Variants in ABCA4 observed in about 807,000 individuals in gnomAD.
The protein encoded by ABCA4 is retinal-specific phospholipid-transporting ATPase ABCA4.
Under a neutral mutation model 263.7 loss-of-function variants are expected in ABCA4, and 196 were observed. The observed-to-expected ratio is 0.74, with a 90% CI of 0.66 to 0.84. The LOEUF (loss-of-function observed/expected upper bound fraction) is 0.84, where lower values mean the gene tolerates loss of function less well. Among genes scored for constraint, ABCA4 ranks in the 40% least tolerant of loss-of-function variants. The pLI is 0.00. For synonymous variants in ABCA4, 1,133 were observed against 1,094.2 expected (o/e 1.04, Z -0.70); for missense variants, 2,792 against 2,855.1 (o/e 0.98, Z 0.50).
Position 94,078,629 on chromosome 1 carries a change from C to A in ABCA4, c.1317G>T (p.Trp439Cys). 1 of 1,422,552 alleles carries A rather than the reference C, an allele frequency of 7.0e-7. No homozygotes were observed. The allele number at this position is 1,422,552 out of a possible 1,614,324, so 88.1% of individuals were successfully genotyped here. A position where few individuals can be genotyped will look rare whatever the true frequency, so the allele number is the denominator to read the frequency against. Residue 439 changes from tryptophan (W) to cysteine (C), a missense_variant, in exon 10 of 50, where the codon TGG (tryptophan) becomes TGT (cysteine). Transcript: ENST00000370225. ...TCTGTGTGCTGTTGTCAAAGAAGTA[C>A]CAGATCTGGGGCCCTACTTCTTCCC... ...KAWEEVGPQI[W>C]YFFDNSTQMN...
chr1:94,108,745 A>C, intron 3 of ABCA4, 29 bp from the exon 4 acceptor site: 1 of 1,612,670 alleles, frequency 6.2e-7, no homozygotes, highest in Non-Finnish European at 8.5e-7. Flanking sequence ...ATTAATAAGG[A>C]AATAGCTGTT....
intron 2 of ABCA4, 116 bp from the exon 3 acceptor site, chr1:94,111,695 T>G: frequency 8.2e-7 from 1 of 1,226,804 alleles, no homozygotes; most frequent in Non-Finnish European, 1.2e-6. Context: ...TCCTCCTTCA[T>G]TCTCAGCATT....
At chr1:94,091,577 TCTCA>T (rs778982452) in intron 6 of ABCA4, among the ~76,000 whole-genome samples, 104 of 109,090 alleles carry the variant, frequency 9.5e-4, no homozygotes, top group African/African-American at 3.3e-3. Flanking sequence ...GCAAACATCA[TCTCA>T]CACACACACA....
At position 94,029,623 on chromosome 1, in the gene ABCA4, G is replaced by A. The variant is rs1660142896; in HGVS notation, c.4361C>T (p.Pro1454Leu). 6.2e-7 allele frequency: 1 copy of A among 1,613,418 alleles called. No individual in the cohort carries two copies. Among genetic ancestry groups the A allele is most frequent in the Non-Finnish European group, 8.5e-7 (1 of 1,179,804 alleles). Reference protein sequence around the residue: ...CLKEGWLPEYPCGNSTPWKTP... With the variant: ...CLKEGWLPEYLCGNSTPWKTP... ...CTTCCAGGGTGTTGAGTTGCCACAG[G>A]GGTACTCCCTCATGGAAGACAAGAA... The change falls in exon 30 of 50, where the codon CCC (proline) becomes CTC (leucine). Residue 1454 changes from proline to leucine, a missense_variant. Transcript: ENST00000370225.
intron 45 of ABCA4, chr1:94,001,477 G>C: frequency 1.9e-6 from 1 of 520,032 alleles, no homozygotes; most frequent in Non-Finnish European, 3.6e-6. Flanking sequence ...TCCTTGGGCT[G>C]CGTGGGCATG....
intron 44 of ABCA4, among the ~76,000 whole-genome samples, chr1:94,004,537 C>T (rs926128173): frequency 6.6e-6 from 1 of 152,190 alleles, no homozygotes; most frequent in African/African-American, 2.4e-5. Flanking sequence ...ACACTGTGTT[C>T]AGCAGTTGTT....
rs753654349 is a variant in ABCA4, at chr1:93,993,008, GT to G, written c.*228del. On this transcript the variant is annotated 3_prime_UTR_variant, in exon 50 of 50. Coordinates refer to ENST00000370225, the MANE Select transcript of ABCA4 (RefSeq NM_000350.3). ...GTTCTGGGGTCTGGAGAAGGATTTT[GT>G]ATTTGTTTGGTTTCACCATCAGGTG... is the stretch of plus-strand genomic sequence containing the variant. The G allele has an allele frequency of 3.4e-6, 2 of 593,914 alleles. No homozygotes were observed. The highest frequency in any genetic ancestry group is 2.9e-5 in the East Asian group (1 of 34,788). The allele number at this position is 593,914 out of a possible 1,614,324, so 36.8% of individuals were successfully genotyped here. A position where few individuals can be genotyped will look rare whatever the true frequency, so the allele number is the denominator to read the frequency against.
In ABCA4 at chr1:94,031,784, C is replaced by A; in HGVS notation, c.4122G>T (p.Leu1374=). 6.2e-7 allele frequency: 1 copy of A among 1,613,694 alleles called. No homozygotes were observed. Among genetic ancestry groups the A allele is most frequent in the African/African-American group, 1.3e-5 (1 of 75,020 alleles). ...CACCGACCGACAATAGTACCTGCGC[C>A]AGGAAGTCCTTGTGGCTGCGGATGG... is the stretch of plus-strand genomic sequence containing the variant. ...QHTIRSHKDF[L]AQIVLPATFV... The change falls in exon 27 of 50, where the codon CTG becomes CTT. Residue 1374 remains leucine, a synonymous_variant. Transcript: ENST00000370225.
At chr1:94,050,534 C>G (rs552406333) in intron 17 of ABCA4, among the ~76,000 whole-genome samples, 1 of 152,160 alleles carries the variant, frequency 6.6e-6, no homozygotes, top group Non-Finnish European at 1.5e-5. Context: ...ATTTGTGATT[C>G]ACTTTTGAAG....
chr1:94,008,718 C>G, intron 41 of ABCA4, 33 bp downstream of exon 41: 1 of 1,613,724 alleles, frequency 6.2e-7, no homozygotes, highest in South Asian at 1.1e-5. Context: ...GTGGATCTAA[C>G]CAGCACCTCC....
At chr1:94,083,100 A>C (rs1661743308) in intron 7 of ABCA4, among the ~76,000 whole-genome samples, 1 of 152,236 alleles carries the variant, frequency 6.6e-6, no homozygotes, top group African/African-American at 2.4e-5. Context: ...ATGCCACACC[A>C]GGCAAGTTGC....
At position 94,079,307 on chromosome 1, in the gene ABCA4, C is replaced by A. The variant is rs1328933970; in HGVS notation, c.1239+15G>T. The A allele has an allele frequency of 7.4e-6, 12 of 1,614,032 alleles. No homozygotes were observed. Among genetic ancestry groups the A allele is most frequent in the Non-Finnish European group, 1.0e-5 (12 of 1,180,036 alleles). On this transcript the variant is annotated intron_variant, in intron 9 of 49. Coordinates refer to ENST00000370225, the MANE Select transcript of ABCA4 (RefSeq NM_000350.3). ...AGGTCCAGGGTACACAAGGCAAGCC[C>A]AGCTGGGATCTTACATTCTTCAGTA...
In ABCA4 at chr1:94,074,834, C is replaced by T. The variant is rs112975037; in HGVS notation, c.1554+2856G>A. Among the ~76,000 whole-genome samples the T allele has an allele frequency of 9.2e-5, 14 of 152,182 alleles. 1 individual carries two copies. The highest frequency in any genetic ancestry group is 2.9e-4 in the African/African-American group (12 of 41,510). On this transcript the variant is annotated intron_variant, in intron 11 of 49. Coordinates refer to ENST00000370225, the MANE Select transcript of ABCA4 (RefSeq NM_000350.3). ...GGCAATCCCATTACTGGGTATATAA[C>T]CAAAGGAATATAAATCATTCTACTA...
intron 3 of ABCA4, among the ~76,000 whole-genome samples, chr1:94,109,195 A>G (rs943503796): frequency 1.3e-5 from 2 of 152,212 alleles, no homozygotes; most frequent in Non-Finnish European, 2.9e-5. Flanking sequence ...GCTAACTGAC[A>G]AGGATGGTGA....
intron 6 of ABCA4, among the ~76,000 whole-genome samples, chr1:94,095,315 G>T (rs1373845126): frequency 6.6e-6 from 1 of 151,748 alleles, no homozygotes; most frequent in Non-Finnish European, 1.5e-5. Context: ...GGCTCCACAG[G>T]TTCCCTTGTC....
rs1442213450 is a variant in ABCA4 at position 94,040,053 on chromosome 1, T to C, written c.3597A>G (p.Gln1199=). ...PAHVDDLTPE[Q]VLDGDVNELM... ...CCGTCCAGTCCTTACCATCCAGGAC[T>C]TGTTCTGGAGTTAGGTCATCGACGT... Residue 1199 remains glutamine (Q), a synonymous_variant, in exon 24 of 50, where the codon CAA becomes CAG. Transcript: ENST00000370225. 6.2e-7 allele frequency: 1 copy of C among 1,605,214 alleles called. No individual in the cohort carries two copies. Among genetic ancestry groups the C allele is most frequent in the Non-Finnish European group, 8.5e-7 (1 of 1,175,306 alleles).
At chr1:94,073,477 T>A (rs959814876) in intron 11 of ABCA4, among the ~76,000 whole-genome samples, 1 of 152,346 alleles carries the variant, frequency 6.6e-6, no homozygotes, top group African/African-American at 2.4e-5. Context: ...TCCTAAGCAG[T>A]GTTTTTTGGC....
At chr1:94,063,947 A>C (rs923764348) in intron 11 of ABCA4, among the ~76,000 whole-genome samples, 2 of 152,180 alleles carry the variant, frequency 1.3e-5, no homozygotes, top group Non-Finnish European at 2.9e-5. Flanking sequence ...GAAAAAAAAA[A>C]ACCATTACCC....
At chr1:94,083,261 G>C (rs1457549303) in intron 7 of ABCA4, 91 bp downstream of exon 7, 1 of 1,159,524 alleles carries the variant, frequency 8.6e-7, no homozygotes, top group Non-Finnish European at 1.3e-6. Flanking sequence ...TCCTTGAACA[G>C]GTTTGAAATA....
Sources: gnomAD v4.1 joint callset for allele counts (sites outside exome capture counted in the v4.1 genomes callset) on GRCh38, gnomAD v4.1.1 for gene constraint, MANE v1.5 for transcripts, NCBI Gene and HGNC (gene_info 2026-07-23, HGNC 2026-07-21) for gene names.